The following SPTLC3 variants were observed in gnomAD, a reference collection of about 807,000 sequenced individuals.
The protein encoded by SPTLC3 is serine palmitoyltransferase 3.
In SPTLC3, 36 loss-of-function variants were observed where a neutral mutation model predicts 59.3. The observed-to-expected ratio is 0.61, with a 90% CI of 0.47 to 0.80. SPTLC3 has a LOEUF of 0.80. Ranked by LOEUF, SPTLC3 falls within the 30% of genes least tolerant of loss-of-function variation. The probability of loss-of-function intolerance (pLI) is 0.00; values close to 1 mark genes in which losing one functional copy is unlikely to be tolerated. For synonymous variants in SPTLC3, 257 were observed against 240.8 expected, an observed-to-expected ratio of 1.07 and a Z score of -0.62; for missense variants, 625 against 685.1, an observed-to-expected ratio of 0.91 and a Z score of 0.98.
intron 2 of SPTLC3, among the ~76,000 whole-genome samples, chr20:13,056,650 A>G (rs1012164403): frequency 1.3e-5 from 2 of 151,142 alleles, no homozygotes; most frequent in East Asian, 2.0e-4. Flanking sequence ...GGGTTTTGCC[A>G]TGTTGCCTAG....
chr20:13,100,618 A>G (rs1002228575), intron 6 of SPTLC3, among the ~76,000 whole-genome samples: 1 of 152,184 alleles, frequency 6.6e-6, no homozygotes, highest in African/African-American at 2.4e-5. Context: ...ATCTTTTATC[A>G]CCATAGATTA....
chr20:13,124,160 C>A (rs953448158), intron 8 of SPTLC3, among the ~76,000 whole-genome samples: 2 of 152,186 alleles, frequency 1.3e-5, no homozygotes, highest in African/African-American at 4.8e-5. Context: ...AAAGAATCAT[C>A]AGAAACTTAA....
In SPTLC3 at chr20:13,152,010, C is replaced by T. The variant is rs2038660308; in HGVS notation, c.1280-1993C>T. The stretch of plus-strand genomic sequence containing the variant: ...TAAAAAAAAAAGATATAATCATAAT[C>T]CAAACAGCTGGCAGAAATGAGAGTT... On this transcript the variant is annotated intron_variant, in intron 9 of 11. Transcript: ENST00000399002. Among the ~76,000 whole-genome samples the T allele has an allele frequency of 2.6e-5, 4 of 152,126 alleles. No homozygotes were observed. In the South Asian group the frequency reaches 8.3e-4, roughly 32 times the overall value.
At chr20:13,080,110 T>C (rs547821185) in intron 4 of SPTLC3, among the ~76,000 whole-genome samples, 16 of 152,274 alleles carry the variant, frequency 1.1e-4, no homozygotes, top group Middle Eastern at 3.4e-3. Context: ...TCCCAATATA[T>C]ATGACAACAT....
intron 1 of SPTLC3, among the ~76,000 whole-genome samples, chr20:13,043,900 G>GA (rs2044629191): frequency 6.6e-6 from 1 of 152,020 alleles, no homozygotes; most frequent in African/African-American, 2.4e-5. Flanking sequence ...ATAACAGGTT[G>GA]ATAAGATTAC....
chr20:13,089,235 C>T (rs577922339), intron 4 of SPTLC3, among the ~76,000 whole-genome samples: 3 of 152,232 alleles, frequency 2.0e-5, no homozygotes, highest in African/African-American at 4.8e-5. Flanking sequence ...ACAATACTTC[C>T]GTAACTTAAA....
intron 1 of SPTLC3, among the ~76,000 whole-genome samples, chr20:13,024,813 G>T (rs979737236): frequency 6.6e-6 from 1 of 152,106 alleles, no homozygotes; most frequent in South Asian, 2.1e-4. Flanking sequence ...ATTCCACAGC[G>T]ATCAGCAGCT....
intron 1 of SPTLC3, among the ~76,000 whole-genome samples, chr20:13,034,484 G>C (rs935447065): frequency 6.6e-6 from 1 of 152,148 alleles, no homozygotes; most frequent in Non-Finnish European, 1.5e-5. Context: ...GAGCAGATTA[G>C]AGTTAGACCT....
chr20:13,048,626 T>C (rs1431435), intron 1 of SPTLC3, among the ~76,000 whole-genome samples: 151,688 of 152,338 alleles, frequency 1, 75,524 homozygotes, highest in Middle Eastern at 1. Context: ...CTGGTTAAAG[T>C]AACGACCCCA....
At chr20:13,091,969 T>C (rs2122629279) in intron 5 of SPTLC3, among the ~76,000 whole-genome samples, 1 of 152,294 alleles carries the variant, frequency 6.6e-6, no homozygotes, top group East Asian at 1.9e-4. Context: ...TTTAAATTTA[T>C]GTAGTTTAGA....
At position 13,124,237 on chromosome 20, in the gene SPTLC3, C is replaced by A. The variant is rs1199547860; in HGVS notation, c.1153-2354C>A. Among the ~76,000 whole-genome samples, 10 of 152,164 alleles carry A rather than the reference C, an allele frequency of 6.6e-5. No homozygotes were observed. In the East Asian group the frequency reaches 1.7e-3, roughly 27 times the overall value. On this transcript the variant is annotated intron_variant, in intron 8 of 11. Transcript: ENST00000399002. ...TTATGGTCCCTTTCTATCCTCCCTC[C>A]CCTCCTGGACTCCCACACATGTCTA...
chr20:13,039,377 C>T (rs1986876104), intron 1 of SPTLC3, among the ~76,000 whole-genome samples: 1 of 152,072 alleles, frequency 6.6e-6, no homozygotes, highest in Non-Finnish European at 1.5e-5. Context: ...ATCCATCTCT[C>T]CAGCAACAGT....
chr20:13,128,321 GT>G (rs1353126726), intron 9 of SPTLC3, among the ~76,000 whole-genome samples: 35 of 152,176 alleles, frequency 2.3e-4, no homozygotes, highest in African/African-American at 8.2e-4. Flanking sequence ...GATAAGGGAG[GT>G]TTTGCCACCA....
chr20:13,114,178 G>T (rs1214874019), intron 7 of SPTLC3, among the ~76,000 whole-genome samples: 4 of 152,126 alleles, frequency 2.6e-5, no homozygotes, highest in Admixed American at 1.3e-4. Context: ...ACCTATCTAG[G>T]CCTCAGTTTC....
intron 11 of SPTLC3, among the ~76,000 whole-genome samples, chr20:13,161,945 T>C (rs150450345): frequency 2.3e-3 from 351 of 152,310 alleles, no homozygotes; most frequent in Middle Eastern, 6.8e-3. Flanking sequence ...AGTAGCATGT[T>C]AACAACTGAG....
chr20:13,009,820 A>G (rs1251051750), intron 1 of SPTLC3, among the ~76,000 whole-genome samples: 1 of 152,224 alleles, frequency 6.6e-6, no homozygotes, highest in East Asian at 1.9e-4. Context: ...TCCCAGGTCC[A>G]TGAGAAATGC....
rs538960450 is a variant in SPTLC3, at chr20:13,168,422, A to G, written c.*3555A>G. The G allele has an allele frequency of 4.6e-5, 7 of 152,268 alleles. No individual in the cohort carries two copies. The South Asian group carries it at 8.3e-4, about 18-fold the overall frequency. 9.4% of individuals were successfully genotyped at this position (152,268 alleles called of 1,614,324 possible). A position where few individuals can be genotyped will look rare whatever the true frequency, so the allele number is the denominator to read the frequency against. On this transcript the variant is annotated 3_prime_UTR_variant, in exon 12 of 12. Coordinates refer to ENST00000399002, the MANE Select transcript of SPTLC3 (RefSeq NM_018327.4). The stretch of plus-strand genomic sequence containing the variant: ...GGTCTCGAACTCCTGACCTTAGGTG[A>G]TCCTCCCACCTCGGCCTCCCAAAGT...
intron 9 of SPTLC3, among the ~76,000 whole-genome samples, chr20:13,138,740 C>G (rs2038311495): frequency 6.6e-6 from 1 of 152,208 alleles, no homozygotes; most frequent in Admixed American, 6.5e-5. Context: ...TCTATAGCCT[C>G]TTTCCCATTC....
chr20:13,160,064 A>G lies in SPTLC3; in HGVS notation c.1477A>G (p.Thr493Ala). Reference protein sequence around the residue: ...IGVVVVGFPATPLAEARARFC... With the variant: ...IGVVVVGFPAAPLAEARARFC... ...AGTGGTGGTCGTGGGATTTCCAGCC[A>G]CTCCCCTCGCAGAAGCTCGGGCTCG... is the stretch of plus-strand genomic sequence containing the variant. Residue 493 changes from threonine to alanine, a missense_variant, in exon 11 of 12, where the codon ACT becomes GCT. By Grantham distance (58) the Thr-to-Ala change is moderately conservative (BLOSUM62 0). Transcript: ENST00000399002. 6.2e-7 allele frequency: 1 copy of G among 1,612,284 alleles called. No homozygotes were observed.
Sources: gnomAD v4.1 joint callset for allele counts (sites outside exome capture counted in the v4.1 genomes callset) on GRCh38, gnomAD v4.1.1 for gene constraint, MANE v1.5 for transcripts, NCBI Gene and HGNC (gene_info 2026-07-23, HGNC 2026-07-21) for gene names.